Variants in HTN3 observed in about 807,000 individuals in gnomAD.
HTN3 encodes the protein histatin 3, also known as histatin-3.
Under a neutral mutation model 10.6 loss-of-function variants are expected in HTN3, and 15 were observed. The ratio of observed to expected loss-of-function variants is 1.42; its 90% CI spans 0.95 to 2.18. The LOEUF is 2.18. Ranked by LOEUF, HTN3 falls within the 30% of genes most tolerant of loss-of-function variation. HTN3 has a pLI of 0.00. For synonymous variants in HTN3, 15 were observed against 16.9 expected (o/e 0.89, Z 0.27); for missense variants, 68 against 58.0 (o/e 1.17, Z -0.56).
chr4:70,035,247 AC>A (rs1204222654), intron 5 of HTN3, among the ~76,000 whole-genome samples: 1 of 152,032 alleles, frequency 6.6e-6, no homozygotes, highest in African/African-American at 2.4e-5. Context: ...GGGTAGGGGA[AC>A]CCCTGTGTTT....
chr4:70,028,653 T>C (rs1365390764), intron 1 of HTN3, 137 bp downstream of exon 1: 1 of 152,166 alleles, frequency 6.6e-6, no homozygotes, highest in East Asian at 1.9e-4. Context: ...TTTATTGGCA[T>C]CTGAAGATGA....
chr4:70,032,964 T>C (rs910816680), intron 4 of HTN3, among the ~76,000 whole-genome samples: 2 of 152,122 alleles, frequency 1.3e-5, no homozygotes, highest in African/African-American at 4.8e-5. Context: ...ACACAGTAAA[T>C]ACTTTATCAT....
chr4:70,031,146 C>A, intron 2 of HTN3: 1 of 187,768 alleles, frequency 5.3e-6, no homozygotes, highest in Non-Finnish European at 1.1e-5. Flanking sequence ...TCAATGGAAC[C>A]TAAGTATTAG....
At chr4:70,030,260 T>C (rs141404275) in intron 1 of HTN3, among the ~76,000 whole-genome samples, 297 of 152,278 alleles carry the variant, frequency 2.0e-3, no homozygotes, top group Non-Finnish European at 3.2e-3. Flanking sequence ...ATTATCTTGG[T>C]CTATTTAAGA....
At chr4:70,033,142 G>C (rs370237079) in intron 4 of HTN3, 25 bp from the exon 5 acceptor site, 12 of 1,574,798 alleles carry the variant, frequency 7.6e-6, no homozygotes, top group Non-Finnish European at 9.6e-6. Context: ...TCTGCAATTT[G>C]CTCTCTCCTT....
chr4:70,036,530 T>C lies in HTN3; in HGVS notation c.*297T>C, dbSNP rs994457587. Reference sequence around the variant, plus strand: ...CAAAAGCAATAAAATTCAAGCACATTATTATGTGTATGCTCTTTATTTCTC... The same window carrying C: ...CAAAAGCAATAAAATTCAAGCACATCATTATGTGTATGCTCTTTATTTCTC... On this transcript the variant is annotated 3_prime_UTR_variant, in exon 6 of 6. Coordinates refer to ENST00000673563, the MANE Select transcript of HTN3 (RefSeq NM_000200.3). 1.3e-5 allele frequency: 2 copies of C among 152,178 alleles called. No homozygotes were observed. Among genetic ancestry groups the C allele is most frequent in the African/African-American group, 4.8e-5 (2 of 41,450 alleles). 9.4% of individuals were successfully genotyped at this position (152,178 alleles called of 1,614,324 possible).
intron 1 of HTN3, among the ~76,000 whole-genome samples, chr4:70,029,882 A>C (rs1360479086): frequency 2.6e-5 from 4 of 152,068 alleles, no homozygotes; most frequent in African/African-American, 4.8e-5. Flanking sequence ...TTTTTCTCTA[A>C]CCAATACCAT....
chr4:70,032,762 T>A (rs543469211), intron 4 of HTN3, among the ~76,000 whole-genome samples: 1 of 152,090 alleles, frequency 6.6e-6, no homozygotes, highest in African/African-American at 2.4e-5. Context: ...TAAGAGAAAG[T>A]AAGCTCATTA....
At chr4:70,035,385 AT>A (rs1227602254) in intron 5 of HTN3, among the ~76,000 whole-genome samples, 3 of 152,188 alleles carry the variant, frequency 2.0e-5, no homozygotes, top group African/African-American at 7.2e-5. Flanking sequence ...TTGTAGGGCT[AT>A]TGAGAGACAT....
chr4:70,030,504 C>T (rs747399600), intron 1 of HTN3, among the ~76,000 whole-genome samples: 4 of 152,200 alleles, frequency 2.6e-5, no homozygotes, highest in African/African-American at 4.8e-5. Context: ...TGGTGTCACA[C>T]ACTTGTAGTT....
chr4:70,031,718 T>C (rs1725385572), intron 2 of HTN3, among the ~76,000 whole-genome samples: 1 of 152,102 alleles, frequency 6.6e-6, no homozygotes. Flanking sequence ...TCACCAATGA[T>C]AGACTTTTCT....
intron 5 of HTN3, among the ~76,000 whole-genome samples, chr4:70,035,826 A>G (rs1268540476): frequency 2.0e-5 from 3 of 152,190 alleles, no homozygotes; most frequent in Non-Finnish European, 2.9e-5. Flanking sequence ...ATATTTTTAA[A>G]TGTATTGGGA....
intron 2 of HTN3, 32 bp from the exon 3 acceptor site, chr4:70,031,947 T>A: frequency 7.1e-7 from 1 of 1,417,288 alleles, no homozygotes; most frequent in South Asian, 1.2e-5. Flanking sequence ...AATTAAGATA[T>A]TAATTATTTT....
At chr4:70,033,332 A>G in intron 5 of HTN3, 79 bp downstream of exon 5, 1 of 685,900 alleles carries the variant, frequency 1.5e-6, no homozygotes, top group Non-Finnish European at 2.5e-6. Flanking sequence ...AAAAAAAGCC[A>G]TTAAGCCAAC....
At chr4:70,032,670 A>C (rs1725412778) in intron 4 of HTN3, among the ~76,000 whole-genome samples, 1 of 152,112 alleles carries the variant, frequency 6.6e-6, no homozygotes, top group African/African-American at 2.4e-5. Flanking sequence ...TGTGTTAAAA[A>C]AGCACTAAGT....
At chr4:70,030,983 G>C in intron 2 of HTN3, 192 bp downstream of exon 2, 2 of 478,104 alleles carry the variant, frequency 4.2e-6, no homozygotes, top group South Asian at 2.6e-5. Context: ...ACATACCTGC[G>C]AACACTCAAG....
chr4:70,029,018 A>T (rs930613557), intron 1 of HTN3, among the ~76,000 whole-genome samples: 69 of 152,078 alleles, frequency 4.5e-4, no homozygotes, highest in African/African-American at 1.6e-3. Context: ...TATAACAATT[A>T]GTCTTCTCAA....
rs760951305 is a variant in HTN3, at chr4:70,035,626, A to C, written c.*34-641A>C. ...ATAAAATATCAACAAGGAGATGGGA[A>C]TTTTCAAGGAAATATGATATGGTAA... On this transcript the variant is annotated intron_variant, in intron 5 of 5. Coordinates refer to ENST00000673563, the MANE Select transcript of HTN3 (RefSeq NM_000200.3). Among the ~76,000 whole-genome samples the C allele has an allele frequency of 2.8e-4, 42 of 152,184 alleles. 1 individual carries two copies. Among genetic ancestry groups the C allele is most frequent in the Non-Finnish European group, 5.3e-4 (36 of 68,020 alleles).
rs140992381 is a variant in HTN3 at position 70,032,263 on chromosome 4, G to T, written c.102+156G>T. ...TTTATTCTTGTTACAGAGGTAAAAG[G>T]TCACAAAAATCTTGTGTTCTAACAG... On this transcript the variant is annotated intron_variant, in intron 4 of 5. Transcript: ENST00000673563. 1.2e-4 allele frequency among the ~76,000 whole-genome samples: 18 copies of T among 152,068 alleles called. No individual in the cohort carries two copies. In the East Asian group the frequency reaches 3.3e-3, roughly 28 times the overall value.
Sources: gnomAD v4.1 joint callset for allele counts (sites outside exome capture counted in the v4.1 genomes callset) on GRCh38, gnomAD v4.1.1 for gene constraint, MANE v1.5 for transcripts, NCBI Gene and HGNC (gene_info 2026-07-23, HGNC 2026-07-21) for gene names.